ABCC10: variants seen among roughly 807,000 people sequenced by gnomAD.
The protein encoded by ABCC10 is ATP binding cassette subfamily C member 10, also known as ATP-binding cassette sub-family C member 10.
ABCC10 carries 110 observed loss-of-function variants against 143.2 expected under a neutral mutation model. The ratio of observed to expected loss-of-function variants is 0.77; its 90% CI spans 0.66 to 0.90. ABCC10 has a LOEUF of 0.90. ABCC10 is among the 40% of genes least tolerant of loss of function. The pLI is 0.00. For missense variants in ABCC10, 1,700 were observed against 1,900.5 expected, an observed-to-expected ratio of 0.89 and a Z score of 1.96; for synonymous variants, 805 against 846.7, an observed-to-expected ratio of 0.95 and a Z score of 0.85.
rs373329020 is a variant in ABCC10 at position 43,444,156 on chromosome 6, C to T, written c.2495-3C>T. On this transcript the variant is annotated splice_polypyrimidine_tract_variant and splice_region_variant and intron_variant, in intron 11 of 21. Coordinates refer to ENST00000372530, the MANE Select transcript of ABCC10 (RefSeq NM_001198934.2). ...ATTCTTCCATGACCCCTGATTCTCACAGCCACAGCCCAGTCAGTACAGAAC... is the reference window on the plus strand; with the variant it reads ...ATTCTTCCATGACCCCTGATTCTCATAGCCACAGCCCAGTCAGTACAGAAC... 94 of 1,611,152 alleles carry T rather than the reference C, an allele frequency of 5.8e-5. No homozygotes were observed. In the African/African-American group the frequency reaches 1.1e-3, roughly 20 times the overall value.
chr6:43,432,668 G>C lies in ABCC10; in HGVS notation c.688G>C (p.Ala230Pro), dbSNP rs147440117. 114 of 1,613,828 alleles carry C rather than the reference G, an allele frequency of 7.1e-5. No homozygotes were observed. Among genetic ancestry groups the C allele is most frequent in the Non-Finnish European group, 1.8e-5 (21 of 1,180,036 alleles). ...GTCACGCTTTTCCTATGCCTGGCTG[G>C]CACCCTTGCTGGCCCGTGGGGCCTG... ...WLSRFSYAWLAPLLARGACGE... is the reference protein window; with the variant it reads ...WLSRFSYAWLPPLLARGACGE... Residue 230 changes from alanine to proline, a missense_variant, in exon 3 of 22, where the codon GCA becomes CCA. Coordinates refer to ENST00000372530, the MANE Select transcript of ABCC10 (RefSeq NM_001198934.2).
rs115086818 is a variant in ABCC10 at position 43,440,046 on chromosome 6, G to A, written c.2127+1251G>A. 3.4e-3 allele frequency among the ~76,000 whole-genome samples: 520 copies of A among 151,704 alleles called. 2 individuals are homozygous for A. Among genetic ancestry groups the A allele is most frequent in the African/African-American group, 0.012 (476 of 41,312 alleles). On this transcript the variant is annotated intron_variant, in intron 8 of 21. Transcript: ENST00000372530. The stretch of plus-strand genomic sequence containing the variant: ...ATCTCGGCTTACTGCAACCTTTGCC[G>A]CTCGGGTTCAAGTAATTCTCTTGCC...
intron 2 of ABCC10, among the ~76,000 whole-genome samples, chr6:43,431,096 T>A (rs369144720): frequency 6.6e-6 from 1 of 152,108 alleles, no homozygotes; most frequent in East Asian, 1.9e-4. Context: ...CAAGAAGATA[T>A]AAACACAAGC....
At chr6:43,442,660 A>G (rs1354572515) in intron 9 of ABCC10, among the ~76,000 whole-genome samples, 2 of 151,824 alleles carry the variant, frequency 1.3e-5, no homozygotes, top group African/African-American at 4.8e-5. Flanking sequence ...GAGCCTGGGA[A>G]ATTGAGGCTG....
At chr6:43,450,493 A>G, downstream of ABCC10, 1 of 1,518,364 alleles carries the variant, frequency 6.6e-7, no homozygotes, top group Admixed American at 2.2e-5. This position sits in a 1 kb window ranked among gnomAD's most constrained non-coding sequence, Gnocchi z 4.5. Flanking sequence ...CTCCAGTCTG[A>G]GGGGTGGAAG....
In ABCC10 at chr6:43,450,249, C is replaced by A; in HGVS notation, c.*158C>A. 1.0e-6 allele frequency: 1 copy of A among 990,222 alleles called. No homozygotes were observed. Among genetic ancestry groups the A allele is most frequent in the Non-Finnish European group, 1.4e-6 (1 of 692,242 alleles). The allele number at this position is 990,222 out of a possible 1,614,324, so 61.3% of individuals were successfully genotyped here. A position where few individuals can be genotyped will look rare whatever the true frequency, so the allele number is the denominator to read the frequency against. ...ACCCTGGATTACTCTTTGGAAATCA[C>A]TCCTTGGTGGGCAGCATCCTGAGGC... On this transcript the variant is annotated 3_prime_UTR_variant, in exon 22 of 22. Transcript: ENST00000372530. This position sits in a 1 kb window ranked among gnomAD's most constrained non-coding sequence, Gnocchi z 4.5.
chr6:43,431,492 CT>C (rs1429111738), intron 2 of ABCC10, among the ~76,000 whole-genome samples: 2 of 152,140 alleles, frequency 1.3e-5, no homozygotes, highest in African/African-American at 4.8e-5. Flanking sequence ...TCCTGAGTAG[CT>C]GGGATTGCAG....
At chr6:43,445,993 A>G in intron 15 of ABCC10, 51 bp downstream of exon 15, 1 of 1,545,580 alleles carries the variant, frequency 6.5e-7, no homozygotes, top group Non-Finnish European at 8.8e-7. Flanking sequence ...AGAGGAAAAG[A>G]GAGACCCCCA....
At position 43,436,110 on chromosome 6, in the gene ABCC10, G is replaced by T. The variant is rs146946761; in HGVS notation, c.1766-28G>T. 2.5e-6 allele frequency: 4 copies of T among 1,613,898 alleles called. No homozygotes were observed. In the South Asian group the frequency reaches 3.3e-5, roughly 13 times the overall value. On this transcript the variant is annotated intron_variant, in intron 5 of 21. Coordinates refer to ENST00000372530, the MANE Select transcript of ABCC10 (RefSeq NM_001198934.2). Reference sequence around the variant, plus strand: ...CCAAACAGATTGTGGTAGATTAGGAGCCCAAATCAAGTGGCTTCTCTGTTC... The same window carrying T: ...CCAAACAGATTGTGGTAGATTAGGATCCCAAATCAAGTGGCTTCTCTGTTC...
In ABCC10 at chr6:43,428,224, A is replaced by C; in HGVS notation, c.161+85A>C. 5 of 1,380,790 alleles carry C rather than the reference A, an allele frequency of 3.6e-6. 1 individual carries two copies. In the South Asian group the frequency reaches 7.2e-5, roughly 20 times the overall value. The allele number at this position is 1,380,790 out of a possible 1,614,324, so 85.5% of individuals were successfully genotyped here. Reference sequence around the variant, plus strand: ...CTACATCTTCCGGCAGTGTCACCAGAATAGCGAGGTCTCTGGAGTAGGGCA... The same window carrying C: ...CTACATCTTCCGGCAGTGTCACCAGCATAGCGAGGTCTCTGGAGTAGGGCA... On this transcript the variant is annotated intron_variant, in intron 2 of 21. Coordinates refer to ENST00000372530, the MANE Select transcript of ABCC10 (RefSeq NM_001198934.2).
At chr6:43,434,949 C>A (rs1051509743) in intron 4 of ABCC10, 101 bp downstream of exon 4, 9 of 1,245,864 alleles carry the variant, frequency 7.2e-6, no homozygotes, top group African/African-American at 1.5e-5. Context: ...GGGAGGGATC[C>A]CTGACTGCCT....
intron 15 of ABCC10, 44 bp downstream of exon 15, chr6:43,445,986 G>A (rs768267935): frequency 6.4e-7 from 1 of 1,557,458 alleles, no homozygotes; most frequent in African/African-American, 1.4e-5. Flanking sequence ...TGGGGGGAGA[G>A]GAAAAGAGAG....
rs1305880030 is a variant in ABCC10, at chr6:43,438,618, C to G, written c.1956-6C>G. On this transcript the variant is annotated splice_region_variant and splice_polypyrimidine_tract_variant and intron_variant, in intron 7 of 21. Coordinates refer to ENST00000372530, the MANE Select transcript of ABCC10 (RefSeq NM_001198934.2). ...GTCCTCATATTGCTCGCCTGGCTCTCTGCAGGCTGCGTGGGCATGTGGCAG... is the reference window on the plus strand; with the variant it reads ...GTCCTCATATTGCTCGCCTGGCTCTGTGCAGGCTGCGTGGGCATGTGGCAG... 6.2e-7 allele frequency: 1 copy of G among 1,613,494 alleles called. No individual in the cohort carries two copies. Among genetic ancestry groups the G allele is most frequent in the Non-Finnish European group, 8.5e-7 (1 of 1,179,906 alleles).
Position 43,427,687 on chromosome 6 carries a change from G to T in ABCC10, c.-82G>T, listed in dbSNP as rs1191688771. Reference sequence around the variant, plus strand: ...TCAGGATATCGGAATCCGGTGCACAGCAGCTTCTTCAGGTTTGAGGTTCCG... The same window carrying T: ...TCAGGATATCGGAATCCGGTGCACATCAGCTTCTTCAGGTTTGAGGTTCCG... On this transcript the variant is annotated 5_prime_UTR_variant, in exon 1 of 22. Coordinates refer to ENST00000372530, the MANE Select transcript of ABCC10 (RefSeq NM_001198934.2). 1 of 525,906 alleles carries T rather than the reference G, an allele frequency of 1.9e-6. No individual in the cohort carries two copies. 32.6% of individuals were successfully genotyped at this position (525,906 alleles called of 1,614,324 possible). A position where few individuals can be genotyped will look rare whatever the true frequency, so the allele number is the denominator to read the frequency against.
intron 2 of ABCC10, among the ~76,000 whole-genome samples, chr6:43,431,140 G>A (rs545401082): frequency 7.9e-5 from 12 of 152,066 alleles, no homozygotes; most frequent in African/African-American, 2.7e-4. Context: ...TAAAGGAGTC[G>A]CAAAAGCAAT....
Position 43,438,794 on chromosome 6 carries a change from G to C in ABCC10, c.2126G>C (p.Ser709Thr). ...GCCTGCGCCCTCAATGATGACCTCA[G>C]TGTGAGTGCCTGGCCTTGAAACCTC... ...LEACALNDDL[S>T]ILPAGDQTEV... Residue 709 changes from serine to threonine, a missense_variant and splice_region_variant, in exon 8 of 22, where the codon AGT becomes ACT. Physicochemically the swap from Ser to Thr is moderately conservative, Grantham distance 58 (BLOSUM62 1). Coordinates refer to ENST00000372530, the MANE Select transcript of ABCC10 (RefSeq NM_001198934.2). The C allele has an allele frequency of 6.2e-7, 1 of 1,614,052 alleles. No individual in the cohort carries two copies.
chr6:43,448,799 GCTAGC>G, intron 18 of ABCC10, 77 bp from the exon 19 acceptor site: 1 of 1,505,822 alleles, frequency 6.6e-7, no homozygotes, highest in Middle Eastern at 1.8e-4. Flanking sequence ...TCATGGAGGT[GCTAGC>G]CCTGTAGTCA....
At chr6:43,427,939 A>C in intron 1 of ABCC10, 29 bp from the exon 2 acceptor site, 1 of 1,610,816 alleles carries the variant, frequency 6.2e-7, no homozygotes. Flanking sequence ...GTTACCCTGC[A>C]CAGCCGTCAC....
At chr6:43,451,316 ACACCTGTAGGGCAGCC>A, downstream of ABCC10, 1 of 1,591,898 alleles carries the variant, frequency 6.3e-7, no homozygotes. The surrounding 1 kb of genome is among the most constrained non-coding windows in gnomAD (Gnocchi z 4.4). Context: ...CAACTTACCA[ACACCTGTAGGGCAGCC>A]CAGGTCAGTA....
Sources: allele counts gnomAD v4.1 joint callset (sites outside exome capture counted in the v4.1 genomes callset), GRCh38; gene constraint gnomAD v4.1.1; non-coding constraint Gnocchi (gnomAD v3.1); transcripts MANE v1.5; gene names NCBI Gene and HGNC (gene_info 2026-07-23, HGNC 2026-07-21).